The following DAAM2 variants were observed in gnomAD, a reference collection of about 807,000 sequenced individuals.
DAAM2 encodes disheveled-associated activator of morphogenesis 2.
Under a neutral mutation model 120.7 loss-of-function variants are expected in DAAM2, and 39 were observed. The observed-to-expected ratio is 0.32, with a 90% CI of 0.25 to 0.42. DAAM2 has a LOEUF of 0.42. DAAM2 is among the 10% of genes least tolerant of loss of function. The pLI is 1.00. For missense variants in DAAM2, 1,283 were observed against 1,401.7 expected (o/e 0.92, Z 1.35); for synonymous variants, 488 against 524.9 (o/e 0.93, Z 0.96).
At chr6:39,876,383 T>C (rs1311227020) in intron 11 of DAAM2, among the ~76,000 whole-genome samples, 1 of 152,238 alleles carries the variant, frequency 6.6e-6, no homozygotes. Flanking sequence ...TAGTCAGATA[T>C]TGATGTAGTT....
chr6:39,804,081 T>A (rs1247701783), intron 1 of DAAM2, among the ~76,000 whole-genome samples: 2 of 152,200 alleles, frequency 1.3e-5, no homozygotes, highest in Non-Finnish European at 2.9e-5. Flanking sequence ...TTTAACTCTT[T>A]CAGAGCACTG....
chr6:39,895,848 A>G (rs1457390545), intron 19 of DAAM2, among the ~76,000 whole-genome samples: 1 of 152,228 alleles, frequency 6.6e-6, no homozygotes, highest in Non-Finnish European at 1.5e-5. Context: ...TCTGGCAAAG[A>G]TAACATTTAG....
intron 5 of DAAM2, among the ~76,000 whole-genome samples, chr6:39,865,438 G>A (rs1582697966): frequency 6.6e-6 from 1 of 152,248 alleles, no homozygotes. Flanking sequence ...GGCAGGGTGA[G>A]TGCCCCATCC....
In DAAM2 at chr6:39,882,711, ACACACACG is replaced by A. The variant is rs946006188; in HGVS notation, c.1846-1243_1846-1236del. Among the ~76,000 whole-genome samples, 17 of 21,826 alleles carry A rather than the reference ACACACACG, an allele frequency of 7.8e-4. No homozygotes were observed. The South Asian group carries it at 0.029, about 37-fold the overall frequency. 14.3% of individuals were successfully genotyped at this position (21,826 alleles called of 152,430 possible). On this transcript the variant is annotated intron_variant, in intron 14 of 24. Transcript: ENST00000274867. ...CGTGTGCTTCTGTGAGCGCACACACACACACACGCACACACACACACATACACACACTC... is the reference window on the plus strand; with the variant it reads ...CGTGTGCTTCTGTGAGCGCACACACACACACACACACACATACACACACTC...
chr6:39,810,675 C>T (rs1228878817), intron 1 of DAAM2, among the ~76,000 whole-genome samples: 2 of 152,286 alleles, frequency 1.3e-5, no homozygotes, highest in Non-Finnish European at 2.9e-5. Flanking sequence ...AAATGTGTCT[C>T]GGTCCAAGTC....
At chr6:39,824,035 T>G (rs1238287333) in intron 1 of DAAM2, among the ~76,000 whole-genome samples, 1 of 152,188 alleles carries the variant, frequency 6.6e-6, no homozygotes, top group Non-Finnish European at 1.5e-5. Context: ...CACTCTACCC[T>G]CTTCTGTCTT....
chr6:39,855,856 G>A (rs1763978845), intron 1 of DAAM2, among the ~76,000 whole-genome samples: 1 of 152,162 alleles, frequency 6.6e-6, no homozygotes, highest in Non-Finnish European at 1.5e-5. Flanking sequence ...GAGTAAGTGA[G>A]CCTTGCTGGA....
intron 1 of DAAM2, among the ~76,000 whole-genome samples, chr6:39,841,470 G>T (rs1251927038): frequency 6.6e-6 from 1 of 152,054 alleles, no homozygotes; most frequent in Non-Finnish European, 1.5e-5. Context: ...GAGGAGCTCT[G>T]ACCTGAGTGG....
intron 1 of DAAM2, among the ~76,000 whole-genome samples, chr6:39,838,537 A>C (rs1763195872): frequency 6.6e-6 from 1 of 152,142 alleles, no homozygotes; most frequent in Non-Finnish European, 1.5e-5. Flanking sequence ...GTGTTTGGTA[A>C]ACTTGCCTAC....
chr6:39,859,652 TATTA>T (rs1431695757), intron 2 of DAAM2, among the ~76,000 whole-genome samples: 2 of 152,240 alleles, frequency 1.3e-5, no homozygotes. Context: ...AATATCTCAT[TATTA>T]ATTTTCTACA....
At chr6:39,824,156 C>T (rs1177523164) in intron 1 of DAAM2, among the ~76,000 whole-genome samples, 3 of 152,176 alleles carry the variant, frequency 2.0e-5, no homozygotes, top group Non-Finnish European at 2.9e-5. Context: ...TTTATCTCCT[C>T]AAGCGCAGGA....
Position 39,891,374 on chromosome 6 carries a change from G to A in DAAM2, c.2179G>A (p.Asp727Asn), listed in dbSNP as rs747674471. 6.2e-7 allele frequency: 1 copy of A among 1,610,796 alleles called. No individual in the cohort carries two copies. The highest frequency in any genetic ancestry group is 2.2e-5 in the East Asian group (1 of 44,836). ...GTTCATCCCAGAGAAGAGTGACATT[G>A]ACCTCCTGGAGGAGCACAAGCATGA... The part of the protein sequence containing the change: ...LKFIPEKSDI[D>N]LLEEHKHEIE... The change falls in exon 18 of 25, where the codon GAC becomes AAC. Residue 727 changes from aspartate to asparagine, a missense_variant. Asp to Asn is a conservative substitution (Grantham distance 23, BLOSUM62 1). This residue lies in a region of DAAM2 where 748 missense variants were observed against 768.6 expected (regional missense o/e 0.97). Transcript: ENST00000274867.
intron 1 of DAAM2, among the ~76,000 whole-genome samples, chr6:39,837,400 A>T (rs1011298320): frequency 2.0e-5 from 3 of 152,112 alleles, no homozygotes; most frequent in Admixed American, 6.5e-5. Context: ...CAACAGCTCT[A>T]TCATAAACAT....
chr6:39,902,276 G>T lies in DAAM2; in HGVS notation c.*239G>T. Reference sequence around the variant, plus strand: ...CCCTGGCCCCAGGTATTATTCTGAGGCTGCCTTGGATGGCCTCAGGCCAGG... The same window carrying T: ...CCCTGGCCCCAGGTATTATTCTGAGTCTGCCTTGGATGGCCTCAGGCCAGG... On this transcript the variant is annotated 3_prime_UTR_variant, in exon 25 of 25. Transcript: ENST00000274867. The T allele has an allele frequency of 2.4e-6, 1 of 418,422 alleles. No homozygotes were observed. The highest frequency in any genetic ancestry group is 4.2e-6 in the Non-Finnish European group (1 of 236,982). 25.9% of individuals were successfully genotyped at this position (418,422 alleles called of 1,614,324 possible). A position where few individuals can be genotyped will look rare whatever the true frequency, so the allele number is the denominator to read the frequency against.
In DAAM2 at chr6:39,792,432, G is replaced by A. The variant is rs1253321024; in HGVS notation, c.-90G>A. The A allele has an allele frequency of 6.6e-6, 1 of 152,290 alleles. No homozygotes were observed. Among genetic ancestry groups the A allele is most frequent in the Non-Finnish European group, 1.5e-5 (1 of 68,042 alleles). The allele number at this position is 152,290 out of a possible 1,614,324, so 9.4% of individuals were successfully genotyped here. On this transcript the variant is annotated 5_prime_UTR_variant, in exon 1 of 25. Coordinates refer to ENST00000274867, the MANE Select transcript of DAAM2 (RefSeq NM_001201427.2). The stretch of plus-strand genomic sequence containing the variant: ...CGCGGGCGGCGGCGCCGTACCTCGG[G>A]CTGCGGGAGCGCGGGCGCCCTGGGG...
chr6:39,861,117 T>C (rs1764194162), intron 3 of DAAM2, 100 bp downstream of exon 3: 1 of 870,018 alleles, frequency 1.1e-6, no homozygotes, highest in South Asian at 1.4e-5. Flanking sequence ...GTTTATTACA[T>C]GCCAGCCCTG....
At position 39,875,432 on chromosome 6, in the gene DAAM2, C is replaced by T. The variant is rs765724688; in HGVS notation, c.1265C>T (p.Pro422Leu). ...CGGGGTGTGGACCCTGACCTGGCTC[C>T]CTTGGAGAACTTCAATGTCAAGAAC... ...DERGVDPDLA[P>L]LENFNVKNIV... Residue 422 changes from proline (P) to leucine (L), a missense_variant, in exon 11 of 25, where the codon CCC becomes CTC. By Grantham distance (98) the Pro-to-Leu change is moderately conservative. Transcript: ENST00000274867. 1.9e-5 allele frequency: 31 copies of T among 1,613,812 alleles called. No homozygotes were observed. The highest frequency in any genetic ancestry group is 2.6e-5 in the Non-Finnish European group (31 of 1,179,872).
intron 5 of DAAM2, among the ~76,000 whole-genome samples, 166 bp downstream of exon 5, chr6:39,865,240 AG>A (rs1415229425): frequency 1.3e-5 from 2 of 152,298 alleles, no homozygotes; most frequent in African/African-American, 4.8e-5. Flanking sequence ...GGAGGCTGCC[AG>A]GGCTTGGGAG....
chr6:39,897,311 C>T lies in DAAM2; in HGVS notation c.2618+29C>T, dbSNP rs777745700. ...AGGGTTCTCTCCAAGACTTCCTTCT[C>T]CCCATGATGACCCTCATTCTTGTCT... On this transcript the variant is annotated intron_variant, in intron 21 of 24. Coordinates refer to ENST00000274867, the MANE Select transcript of DAAM2 (RefSeq NM_001201427.2). The T allele has an allele frequency of 1.3e-5, 18 of 1,381,844 alleles. No individual in the cohort carries two copies. The African/African-American group carries it at 2.1e-4, about 16-fold the overall frequency. The allele number at this position is 1,381,844 out of a possible 1,614,324, so 85.6% of individuals were successfully genotyped here.
Sources: gnomAD v4.1 joint callset for allele counts (sites outside exome capture counted in the v4.1 genomes callset) on GRCh38, gnomAD v4.1.1 for gene constraint, gnomAD v4.1.1 regional missense constraint, MANE v1.5 for transcripts, NCBI Gene and HGNC (gene_info 2026-07-23, HGNC 2026-07-21) for gene names.